The following MTDH variants were observed in gnomAD, a reference collection of about 807,000 sequenced individuals.
MTDH encodes protein LYRIC.
In MTDH, 34 loss-of-function variants were observed where a neutral mutation model predicts 72.7. That is an observed-to-expected ratio of 0.47 (90% CI 0.36 to 0.62). The LOEUF is 0.62. Ranked by LOEUF, MTDH falls within the 20% of genes least tolerant of loss-of-function variation. MTDH has a pLI of 0.00. For synonymous variants in MTDH, 266 were observed against 268.9 expected (o/e 0.99, Z 0.10); for missense variants, 677 against 699.4 (o/e 0.97, Z 0.36).
intron 1 of MTDH, among the ~76,000 whole-genome samples, chr8:97,655,684 G>A (rs1398311276): frequency 6.6e-6 from 1 of 152,174 alleles, no homozygotes; most frequent in African/African-American, 2.4e-5. Flanking sequence ...AGGTGCAGTG[G>A]CTTATACCTG....
intron 1 of MTDH, among the ~76,000 whole-genome samples, chr8:97,653,105 G>A (rs1018442068): frequency 6.7e-6 from 1 of 150,120 alleles, no homozygotes; most frequent in Non-Finnish European, 1.5e-5. Flanking sequence ...GCGACAGAGC[G>A]AGACTCTGTC....
intron 2 of MTDH, among the ~76,000 whole-genome samples, chr8:97,668,557 C>T (rs1812482817): frequency 6.6e-6 from 1 of 150,482 alleles, no homozygotes. Flanking sequence ...CACACTGTAA[C>T]AACTTTTTTT....
intron 2 of MTDH, among the ~76,000 whole-genome samples, chr8:97,665,800 T>C (rs1233740384): frequency 6.6e-6 from 1 of 152,112 alleles, no homozygotes; most frequent in African/African-American, 2.4e-5. Flanking sequence ...GGCAGCAACA[T>C]TGATGATTAA....
intron 2 of MTDH, among the ~76,000 whole-genome samples, chr8:97,664,891 A>C (rs1214513418): frequency 3.3e-5 from 5 of 151,764 alleles, no homozygotes; most frequent in African/African-American, 9.7e-5. Context: ...CTCCTGAACC[A>C]CTGGGATTAT....
intron 2 of MTDH, among the ~76,000 whole-genome samples, chr8:97,663,820 C>T (rs1812271372): frequency 6.7e-6 from 1 of 149,278 alleles, no homozygotes; most frequent in South Asian, 2.1e-4. Flanking sequence ...TCCTTATTTT[C>T]ACAAGGGCTT....
chr8:97,647,294 G>C (rs1811604152), intron 1 of MTDH, among the ~76,000 whole-genome samples: 1 of 152,212 alleles, frequency 6.6e-6, no homozygotes, highest in Non-Finnish European at 1.5e-5. Flanking sequence ...TGTGGACCCA[G>C]GTGGGCGTGA....
chr8:97,706,731 C>A lies in MTDH; in HGVS notation c.1253C>A (p.Pro418Gln), dbSNP rs1814370425. 3 of 1,613,228 alleles carry A rather than the reference C, an allele frequency of 1.9e-6. No homozygotes were observed. The highest frequency in any genetic ancestry group is 2.7e-5 in the African/African-American group (2 of 74,846). The change falls in exon 8 of 12, where the codon CCA (proline) becomes CAA (glutamine). Residue 418 changes from proline to glutamine, a missense_variant. This residue lies in a region of MTDH where 201 missense variants were observed against 204.5 expected (regional missense o/e 0.98). Transcript: ENST00000336273. ...GCTTCACTTCTAAAGTCCCAGGAACCAATTCCTGATGATCAAAAGGTGAGT... is the reference window on the plus strand; with the variant it reads ...GCTTCACTTCTAAAGTCCCAGGAACAAATTCCTGATGATCAAAAGGTGAGT... ...ERASLLKSQE[P>Q]IPDDQKVSDD... is the part of the protein sequence containing the mutation.
Position 97,691,152 on chromosome 8 carries a change from A to C in MTDH, c.1012A>C (p.Arg338=). The C allele has an allele frequency of 1.9e-6, 3 of 1,612,378 alleles. No individual in the cohort carries two copies. Among genetic ancestry groups the C allele is most frequent in the Non-Finnish European group, 2.5e-6 (3 of 1,179,118 alleles). Residue 338 remains arginine (R), a synonymous_variant, in exon 6 of 12, where the codon AGG becomes CGG. Coordinates refer to ENST00000336273, the MANE Select transcript of MTDH (RefSeq NM_178812.4). The part of the protein sequence containing the change: ...DANTNGKDWG[R]SWSDRSIFSG... ...TAATACAAATGGAAAAGACTGGGGA[A>C]GGAGTTGGAGTGACCGTTCAATATT...
In MTDH at chr8:97,726,811, AC is replaced by A. The variant is rs1364417372; in HGVS notation, c.*2142del. The A allele has an allele frequency of 6.6e-6, 1 of 151,268 alleles. No homozygotes were observed. The highest frequency in any genetic ancestry group is 1.5e-5 in the Non-Finnish European group (1 of 67,676). 9.4% of individuals were successfully genotyped at this position (151,268 alleles called of 1,614,324 possible). A position where few individuals can be genotyped will look rare whatever the true frequency, so the allele number is the denominator to read the frequency against. On this transcript the variant is annotated 3_prime_UTR_variant, in exon 12 of 12. Coordinates refer to ENST00000336273, the MANE Select transcript of MTDH (RefSeq NM_178812.4). ...GGCAGCTGGCCGGGTGCAGTGGCTC[AC>A]GTCTGTAATCCCAGCACTTTGGGAG...
intron 2 of MTDH, 106 bp from the exon 3 acceptor site, chr8:97,686,562 A>T (rs1192046660): frequency 1.3e-5 from 7 of 557,260 alleles, no homozygotes; most frequent in Non-Finnish European, 2.0e-5. Flanking sequence ...TCAAACATTA[A>T]TTTTTTTTTA....
At chr8:97,696,927 G>A (rs1233133909) in intron 6 of MTDH, among the ~76,000 whole-genome samples, 1 of 150,858 alleles carries the variant, frequency 6.6e-6, no homozygotes. Flanking sequence ...AGACCAGCCT[G>A]GGCAACTACA....
At chr8:97,692,380 T>C (rs907829480) in intron 6 of MTDH, among the ~76,000 whole-genome samples, 2 of 151,008 alleles carry the variant, frequency 1.3e-5, no homozygotes, top group African/African-American at 4.9e-5. Context: ...TAATTTTCCT[T>C]TTTTTTTTGA....
In MTDH at chr8:97,725,456, A is replaced by G. The variant is rs955593391; in HGVS notation, c.*786A>G. 6.6e-6 allele frequency: 1 copy of G among 152,538 alleles called. No homozygotes were observed. Among genetic ancestry groups the G allele is most frequent in the African/African-American group, 2.4e-5 (1 of 41,454 alleles). The allele number at this position is 152,538 out of a possible 1,614,324, so 9.4% of individuals were successfully genotyped here. A position where few individuals can be genotyped will look rare whatever the true frequency, so the allele number is the denominator to read the frequency against. ...TTTGAAAACTTTCAGGCAAAATCCAATTTACATTTTTCCCTTCCCTAGCAA... is the reference window on the plus strand; with the variant it reads ...TTTGAAAACTTTCAGGCAAAATCCAGTTTACATTTTTCCCTTCCCTAGCAA... On this transcript the variant is annotated 3_prime_UTR_variant, in exon 12 of 12. Transcript: ENST00000336273.
At chr8:97,689,380 C>G (rs1012609491) in intron 5 of MTDH, among the ~76,000 whole-genome samples, 4 of 151,382 alleles carry the variant, frequency 2.6e-5, no homozygotes, top group Non-Finnish European at 5.9e-5. Flanking sequence ...AACCTTGTCA[C>G]TTAAGTCAGT....
intron 6 of MTDH, among the ~76,000 whole-genome samples, chr8:97,697,114 T>A (rs1813867345): frequency 1.2e-5 from 1 of 80,808 alleles, no homozygotes; most frequent in Non-Finnish European, 2.0e-5. Context: ...TGAGACTCTG[T>A]CTCACAAAAA....
intron 2 of MTDH, among the ~76,000 whole-genome samples, chr8:97,677,632 C>A (rs896403443): frequency 1.3e-5 from 2 of 152,042 alleles, no homozygotes; most frequent in Non-Finnish European, 2.9e-5. Context: ...ATAGTGAAAT[C>A]ATCAAGAAGG....
intron 9 of MTDH, among the ~76,000 whole-genome samples, chr8:97,716,420 G>A (rs1814873461): frequency 6.6e-6 from 1 of 151,870 alleles, no homozygotes; most frequent in South Asian, 2.1e-4. Flanking sequence ...GCCGGGTGCG[G>A]TGGCTCATGC....
intron 2 of MTDH, among the ~76,000 whole-genome samples, chr8:97,664,666 T>C (rs1347815011): frequency 6.6e-6 from 1 of 152,214 alleles, no homozygotes; most frequent in African/African-American, 2.4e-5. Flanking sequence ...TATTGCGCTT[T>C]GTGTTTTAAA....
chr8:97,713,732 AAAAG>A lies in MTDH; in HGVS notation c.1346_1349del (p.Lys449ArgfsTer16). 6.2e-7 allele frequency: 1 copy of A among 1,608,136 alleles called. No homozygotes were observed. Among genetic ancestry groups the A allele is most frequent in the Non-Finnish European group, 8.5e-7 (1 of 1,177,612 alleles). On this transcript the variant is annotated frameshift_variant, in exon 9 of 12. Transcript: ENST00000336273. LOFTEE classifies it high-confidence loss of function. ...GGGAAATCCAAAAAGAAAAAAAAGA[AAAAG>A]AAGAAGCAAGGTGAAGATAACTCTA...
Sources: gnomAD v4.1 joint callset for allele counts (sites outside exome capture counted in the v4.1 genomes callset) on GRCh38, gnomAD v4.1.1 for gene constraint, gnomAD v4.1.1 regional missense constraint, MANE v1.5 for transcripts, NCBI Gene and HGNC (gene_info 2026-07-23, HGNC 2026-07-21) for gene names.